The following SUGCT variants were observed in gnomAD, a reference collection of about 807,000 sequenced individuals.
The protein encoded by SUGCT is succinyl-CoA:glutarate CoA-transferase.
A neutral mutation model predicts 55.0 loss-of-function variants in SUGCT; 41 were observed. The ratio of observed to expected loss-of-function variants is 0.74; its 90% CI spans 0.58 to 0.97. SUGCT has a LOEUF of 0.97. SUGCT is among the 50% of genes least tolerant of loss of function. SUGCT has a pLI of 0.00. For synonymous variants in SUGCT, 187 were observed against 200.4 expected, an observed-to-expected ratio of 0.93 and a Z score of 0.56; for missense variants, 568 against 547.8, an observed-to-expected ratio of 1.04 and a Z score of -0.37.
At chr7:40,906,291 T>A in the SUGCT span, among the ~76,000 whole-genome samples, 550 of 152,324 alleles carry the variant, frequency 3.6e-3, 6 homozygotes, top group African/African-American at 9.6e-3. Flanking sequence ...TCTGAAACTT[T>A]CTTTCCACAG....
At chr7:40,907,094 A>C in the SUGCT span, among the ~76,000 whole-genome samples, 896 of 114,744 alleles carry the variant, frequency 7.8e-3, 14 homozygotes, top group African/African-American at 0.028. Context: ...ATTTGTTCTG[A>C]TAGTGTGTGT....
chr7:40,189,481 G>A (rs953747997), intron 4 of SUGCT, 63 bp from the exon 5 acceptor site: 14 of 428,524 alleles, frequency 3.3e-5, no homozygotes, highest in Non-Finnish European at 4.1e-5. Flanking sequence ...TAGTGGTGGG[G>A]ATTGGGCTTC....
intron 13 of SUGCT, among the ~76,000 whole-genome samples, chr7:40,819,262 G>C (rs973511062): frequency 6.6e-6 from 1 of 151,560 alleles, no homozygotes; most frequent in Non-Finnish European, 1.5e-5. Context: ...TAATCCTTTG[G>C]GTATATACCC....
At chr7:40,620,415 T>A (rs1799209732) in intron 12 of SUGCT, among the ~76,000 whole-genome samples, 1 of 152,182 alleles carries the variant, frequency 6.6e-6, no homozygotes, top group African/African-American at 2.4e-5. Context: ...GGATCACTTT[T>A]TTTTTTGAGA....
chr7:40,208,475 G>C (rs1787129256), intron 6 of SUGCT, among the ~76,000 whole-genome samples: 1 of 152,062 alleles, frequency 6.6e-6, no homozygotes. Flanking sequence ...ATATGTCTTG[G>C]ATCATGGTCT....
chr7:40,773,840 G>A (rs927551486), intron 13 of SUGCT, among the ~76,000 whole-genome samples: 2 of 152,140 alleles, frequency 1.3e-5, no homozygotes, highest in Admixed American at 6.6e-5. Flanking sequence ...TTCACATGCC[G>A]AGCTCAGAAC....
At chr7:40,438,298 A>G (rs769285421) in intron 9 of SUGCT, among the ~76,000 whole-genome samples, 3 of 152,126 alleles carry the variant, frequency 2.0e-5, no homozygotes, top group East Asian at 3.9e-4. Context: ...AAATAGAGAA[A>G]CTAAACACTG....
chr7:40,845,629 G>T (rs4720381), intron 13 of SUGCT, among the ~76,000 whole-genome samples: 32,823 of 152,150 alleles, frequency 0.22, 4,714 homozygotes, highest in East Asian at 0.8. Context: ...AATTCAAATA[G>T]GGGCATAGAG....
At chr7:40,296,588 G>T (rs1411034130) in intron 8 of SUGCT, among the ~76,000 whole-genome samples, 1 of 151,458 alleles carries the variant, frequency 6.6e-6, no homozygotes, top group African/African-American at 2.4e-5. Flanking sequence ...AGAGGGGGAA[G>T]GGAGAGAGAC....
At position 40,773,839 on chromosome 7, in the gene SUGCT, C is replaced by T. The variant is rs530480007; in HGVS notation, c.1153+24342C>T. Among the ~76,000 whole-genome samples, 4 of 152,236 alleles carry T rather than the reference C, an allele frequency of 2.6e-5. No individual in the cohort carries two copies. The South Asian group carries it at 8.3e-4, about 32-fold the overall frequency. ...TGTGCAGTCATAAAGATTCACATGC[C>T]GAGCTCAGAACTAGTATTAACCAAT... On this transcript the variant is annotated intron_variant, in intron 13 of 13. Transcript: ENST00000335693.
At chr7:40,824,783 T>C (rs920468019) in intron 13 of SUGCT, among the ~76,000 whole-genome samples, 10 of 152,032 alleles carry the variant, frequency 6.6e-5, no homozygotes, top group Non-Finnish European at 1.3e-4. Flanking sequence ...CCAACAAAAG[T>C]GAGAGCAAGA....
chr7:40,591,932 T>C (rs984934515), intron 12 of SUGCT, among the ~76,000 whole-genome samples: 3 of 152,252 alleles, frequency 2.0e-5, no homozygotes, highest in African/African-American at 7.2e-5. Flanking sequence ...ACTTATTTTA[T>C]TTTGATATTC....
chr7:40,172,121 C>T (rs1379852848), intron 1 of SUGCT, among the ~76,000 whole-genome samples: 1 of 152,166 alleles, frequency 6.6e-6, no homozygotes, highest in Middle Eastern at 3.2e-3. Flanking sequence ...ACTCAATTCG[C>T]TTTCATCCTG....
chr7:40,334,977 C>G (rs1450368878), intron 9 of SUGCT, among the ~76,000 whole-genome samples: 1 of 152,140 alleles, frequency 6.6e-6, no homozygotes, highest in Non-Finnish European at 1.5e-5. Flanking sequence ...ATATGGCTAG[C>G]CGGTTTTCCC....
intron 9 of SUGCT, among the ~76,000 whole-genome samples, chr7:40,374,631 C>G (rs553008352): frequency 6.6e-6 from 1 of 152,232 alleles, no homozygotes; most frequent in Admixed American, 6.5e-5. Context: ...GTATAACTAG[C>G]TCTGCATTTT....
At chr7:40,187,940 G>A (rs1785628375) in intron 3 of SUGCT, among the ~76,000 whole-genome samples, 1 of 151,918 alleles carries the variant, frequency 6.6e-6, no homozygotes, top group African/African-American at 2.4e-5. Context: ...TGAGGCGGGT[G>A]GATCATTTGA....
At chr7:40,313,077 AC>A (rs998695488) in intron 8 of SUGCT, among the ~76,000 whole-genome samples, 47 of 152,068 alleles carry the variant, frequency 3.1e-4, no homozygotes, top group Admixed American at 1.9e-3. Flanking sequence ...ATCCATTTTG[AC>A]CACCCCATTG....
chr7:40,349,819 T>A lies in SUGCT; in HGVS notation c.816+32964T>A, dbSNP rs530351437. ...TCCTGAGTAGCCAGGACTAAAGGCATACCACCACACCCAGGTGATTGGTTT... is the reference window on the plus strand; with the variant it reads ...TCCTGAGTAGCCAGGACTAAAGGCAAACCACCACACCCAGGTGATTGGTTT... On this transcript the variant is annotated intron_variant, in intron 9 of 13. Transcript: ENST00000335693. Among the ~76,000 whole-genome samples, 37 of 152,312 alleles carry A rather than the reference T, an allele frequency of 2.4e-4. No individual in the cohort carries two copies. In the South Asian group the frequency reaches 7.2e-3, roughly 30 times the overall value.
chr7:40,147,166 G>T (rs562233065), intron 1 of SUGCT, among the ~76,000 whole-genome samples: 1 of 151,682 alleles, frequency 6.6e-6, no homozygotes, highest in African/African-American at 2.4e-5. Flanking sequence ...TTCCCCTTCC[G>T]CTAGGGGAGG....
Sources: gnomAD v4.1 joint callset for allele counts (sites outside exome capture counted in the v4.1 genomes callset) on GRCh38, gnomAD v4.1.1 for gene constraint, MANE v1.5 for transcripts, NCBI Gene and HGNC (gene_info 2026-07-23, HGNC 2026-07-21) for gene names.